The following LYST variants were observed in gnomAD, a reference collection of about 807,000 sequenced individuals.
The protein encoded by LYST is lysosomal trafficking regulator, also known as lysosomal-trafficking regulator.
In LYST, 192 loss-of-function variants were observed where a neutral mutation model predicts 413.6. That is an observed-to-expected ratio of 0.46 (90% confidence interval 0.41 to 0.52). LYST has a LOEUF of 0.52. Ranked by LOEUF, LYST falls within the 20% of genes least tolerant of loss-of-function variation. The pLI, the probability that LYST is intolerant of heterozygous loss-of-function variation, is 0.00. For missense variants in LYST, 3,815 were observed against 4,499.9 expected, an observed-to-expected ratio of 0.85 and a Z score of 4.35; for synonymous variants, 1,525 against 1,567.3, an observed-to-expected ratio of 0.97 and a Z score of 0.64.
intron 38 of LYST, among the ~76,000 whole-genome samples, chr1:235,727,479 AG>A (rs1421448531): frequency 6.6e-6 from 1 of 152,102 alleles, no homozygotes; most frequent in East Asian, 1.9e-4. Flanking sequence ...AATCTCATTT[AG>A]TATATCCTTA....
chr1:235,805,991 G>A lies in LYST; in HGVS notation c.3145C>T (p.Pro1049Ser). Reference sequence around the variant, plus strand: ...TTTTTTAGACTACCTAGTTCTGATGGTATGGGGTCACTTTTTATAGCCAAA... The same window carrying A: ...TTTTTTAGACTACCTAGTTCTGATGATATGGGGTCACTTTTTATAGCCAAA... ...LSLAIKSDPI[P>S]SELGSLKKSA... Residue 1049 changes from proline (P) to serine (S), a missense_variant, in exon 6 of 53, where the codon CCA (proline) becomes TCA (serine). Physicochemically the swap from Pro to Ser is moderately conservative, Grantham distance 74 (BLOSUM62 -1). Coordinates refer to ENST00000389793, the MANE Select transcript of LYST (RefSeq NM_000081.4). 6.2e-7 allele frequency: 1 copy of A among 1,613,660 alleles called. No individual in the cohort carries two copies. The highest frequency in any genetic ancestry group is 1.1e-5 in the South Asian group (1 of 91,074).
chr1:235,882,180 T>G (rs555051035), intron 1 of LYST, among the ~76,000 whole-genome samples: 1 of 151,528 alleles, frequency 6.6e-6, no homozygotes, highest in South Asian at 2.1e-4. Flanking sequence ...GGAGATGGCT[T>G]TGTCTTGAAA....
rs896273358 is a variant in LYST, at chr1:235,833,679, A to G, written c.-97-12T>C. On this transcript the variant is annotated splice_polypyrimidine_tract_variant and intron_variant, in intron 1 of 52. Transcript: ENST00000389793. The stretch of plus-strand genomic sequence containing the variant: ...GAACAAAGCTTCACCTACAAAAAAA[A>G]AGACATATTAATCACAATAGTAAAC... 4 of 681,556 alleles carry G rather than the reference A, an allele frequency of 5.9e-6. No homozygotes were observed. In the South Asian group the frequency reaches 2.0e-4, roughly 34 times the overall value. 42.2% of individuals were successfully genotyped at this position (681,556 alleles called of 1,614,324 possible). A position where few individuals can be genotyped will look rare whatever the true frequency, so the allele number is the denominator to read the frequency against.
At position 235,734,474 on chromosome 1, in the gene LYST, T is replaced by C. The variant is rs781747413; in HGVS notation, c.8535+9A>G. Reference sequence around the variant, plus strand: ...CTCCTAAGAAAGTACTATGGTTTCATTGACTCACCTCTTTGATCATTTTAA... The same window carrying C: ...CTCCTAAGAAAGTACTATGGTTTCACTGACTCACCTCTTTGATCATTTTAA... On this transcript the variant is annotated intron_variant, in intron 32 of 52. Coordinates refer to ENST00000389793, the MANE Select transcript of LYST (RefSeq NM_000081.4). 38 of 1,611,436 alleles carry C rather than the reference T, an allele frequency of 2.4e-5. No individual in the cohort carries two copies. In the East Asian group the frequency reaches 3.8e-4, roughly 16 times the overall value.
intron 45 of LYST, 148 bp downstream of exon 45, chr1:235,702,599 G>T: frequency 1.4e-6 from 1 of 726,438 alleles, no homozygotes; most frequent in Non-Finnish European, 2.5e-6. Flanking sequence ...CCTCGCACAG[G>T]ATTCTGCTTT....
chr1:235,669,441 G>C (rs942048421), intron 50 of LYST, among the ~76,000 whole-genome samples: 4 of 152,366 alleles, frequency 2.6e-5, no homozygotes, highest in Middle Eastern at 3.4e-3. Context: ...TGGCAGATGG[G>C]AAATTGGCTG....
chr1:235,799,792 C>G (rs1671993191), intron 10 of LYST, among the ~76,000 whole-genome samples: 1 of 151,964 alleles, frequency 6.6e-6, no homozygotes, highest in Non-Finnish European at 1.5e-5. Context: ...ACAACTCAAC[C>G]CCTTGGAATC....
Position 235,744,758 on chromosome 1 carries a change from G to A in LYST, c.7973-601C>T, listed in dbSNP as rs562293905. Among the ~76,000 whole-genome samples, 17 of 151,850 alleles carry A rather than the reference G, an allele frequency of 1.1e-4. No individual in the cohort carries two copies. In the South Asian group the frequency reaches 2.3e-3, roughly 20 times the overall value. ...CTACAAAAAAATACAAAAATTAGCC[G>A]GGCATGGGGTGCACACCTGTAGTCA... On this transcript the variant is annotated intron_variant, in intron 29 of 52. Transcript: ENST00000389793.
chr1:235,767,707 CTTT>C (rs1228011194), intron 20 of LYST, among the ~76,000 whole-genome samples: 2 of 152,038 alleles, frequency 1.3e-5, no homozygotes, highest in African/African-American at 4.8e-5. Context: ...TGCTGCTGGA[CTTT>C]TTAATAATCA....
At chr1:235,796,200 T>G (rs1394535264) in intron 10 of LYST, among the ~76,000 whole-genome samples, 7 of 152,006 alleles carry the variant, frequency 4.6e-5, no homozygotes, top group African/African-American at 1.2e-4. Flanking sequence ...TAATAAATCT[T>G]TATAATCCTG....
At position 235,802,945 on chromosome 1, in the gene LYST, A is replaced by G. The variant is rs140780002; in HGVS notation, c.3675T>C (p.Ser1225=). The G allele has an allele frequency of 4.4e-5, 71 of 1,613,612 alleles. No individual in the cohort carries two copies. The highest frequency in any genetic ancestry group is 5.8e-5 in the Non-Finnish European group (68 of 1,179,808). ...TTTCGCCATCTTCAGGATTGCTTTC[A>G]CTATCTGCTTCGTAACCTTCTTCTT... ...LVEEEGYEAD[S]ESNPEDGETQ... is the part of the protein sequence containing the mutation. The change falls in exon 8 of 53, where the codon AGT becomes AGC. Residue 1225 remains serine, a synonymous_variant. Coordinates refer to ENST00000389793, the MANE Select transcript of LYST (RefSeq NM_000081.4).
Position 235,806,030 on chromosome 1 carries a change from C to T in LYST, c.3106G>A (p.Glu1036Lys), listed in dbSNP as rs1377296013. 1.2e-6 allele frequency: 2 copies of T among 1,613,772 alleles called. No individual in the cohort carries two copies. Among genetic ancestry groups the T allele is most frequent in the Non-Finnish European group, 1.7e-6 (2 of 1,179,930 alleles). Residue 1036 changes from glutamate (E) to lysine (K), a missense_variant, in exon 6 of 53, where the codon GAA becomes AAA. Physicochemically the swap from Glu to Lys is moderately conservative, Grantham distance 56. Around this residue, in one of 4 missense-constraint regions of LYST, gnomAD observed 1,648 missense variants for 1,810.3 expected, o/e 0.91. Coordinates refer to ENST00000389793, the MANE Select transcript of LYST (RefSeq NM_000081.4). ...TTTATAGCCAAAGATAATAAATCTT[C>T]CTTCATAGTTCTCTTAGGTTGAGAA... ...RISQPKRTMK[E>K]DLLSLAIKSD...
At chr1:235,798,744 A>T (rs1489454821) in intron 10 of LYST, among the ~76,000 whole-genome samples, 3 of 152,182 alleles carry the variant, frequency 2.0e-5, no homozygotes, top group Admixed American at 6.5e-5. Flanking sequence ...GAAACCAGTC[A>T]CAAAAGACCA....
At chr1:235,691,532 G>A (rs1424667989) in intron 47 of LYST, among the ~76,000 whole-genome samples, 1 of 152,146 alleles carries the variant, frequency 6.6e-6, no homozygotes, top group Admixed American at 6.5e-5. Flanking sequence ...AGTGAACACT[G>A]AGAAGAAGGC....
At position 235,820,098 on chromosome 1, in the gene LYST, G is replaced by A. The variant is rs572959896; in HGVS notation, c.193-7037C>T. 7.2e-5 allele frequency among the ~76,000 whole-genome samples: 11 copies of A among 152,340 alleles called. No individual in the cohort carries two copies. The South Asian group carries it at 2.3e-3, about 32-fold the overall frequency. ...TATTTCAAGTACCAACAAGGTGCCAGGCACTGGCCCTTTTCATAACTATTG... is the reference window on the plus strand; with the variant it reads ...TATTTCAAGTACCAACAAGGTGCCAAGCACTGGCCCTTTTCATAACTATTG... On this transcript the variant is annotated intron_variant, in intron 3 of 52. Transcript: ENST00000389793.
chr1:235,688,984 A>AAATAATAATAATAAT (rs35849101), intron 47 of LYST, among the ~76,000 whole-genome samples: 19 of 135,930 alleles, frequency 1.4e-4, no homozygotes, highest in South Asian at 7.0e-4. Context: ...ACTCCGTCTC[A>AAATAATAATAATAAT]AATAATAATA....
At chr1:235,806,799 A>G in intron 5 of LYST, 27 bp from the exon 6 acceptor site, 1 of 1,481,438 alleles carries the variant, frequency 6.8e-7, no homozygotes. Flanking sequence ...GCATGTAAAA[A>G]GGTTTAAATA....
At chr1:235,776,835 A>C (rs1669301473) in intron 17 of LYST, among the ~76,000 whole-genome samples, 1 of 152,144 alleles carries the variant, frequency 6.6e-6, no homozygotes, top group Non-Finnish European at 1.5e-5. Flanking sequence ...TAATTGTACT[A>C]ATTACATTTT....
Position 235,662,556 on chromosome 1 carries a change from T to C in LYST, c.*384A>G, listed in dbSNP as rs1658118059. 1 of 286,908 alleles carries C rather than the reference T, an allele frequency of 3.5e-6. No homozygotes were observed. Among genetic ancestry groups the C allele is most frequent in the Admixed American group, 4.9e-5 (1 of 20,294 alleles). The allele number at this position is 286,908 out of a possible 1,614,324, so 17.8% of individuals were successfully genotyped here. A position where few individuals can be genotyped will look rare whatever the true frequency, so the allele number is the denominator to read the frequency against. On this transcript the variant is annotated 3_prime_UTR_variant, in exon 53 of 53. Coordinates refer to ENST00000389793, the MANE Select transcript of LYST (RefSeq NM_000081.4). ...ACTTTTAAAATATAATTTTAGTGTG[T>C]TTTATATAAACAATCAACCAACCAA...
Sources: gnomAD v4.1 joint callset for allele counts (sites outside exome capture counted in the v4.1 genomes callset) on GRCh38, gnomAD v4.1.1 for gene constraint, gnomAD v4.1.1 regional missense constraint, MANE v1.5 for transcripts, NCBI Gene and HGNC (gene_info 2026-07-23, HGNC 2026-07-21) for gene names.